Variants in MDM1 observed in about 807,000 individuals in gnomAD.
The protein encoded by MDM1 is stabilizer of axonemal microtubules 6, also known as Mdm1 nuclear protein.
A neutral mutation model predicts 89.1 loss-of-function variants in MDM1; 61 were observed. The ratio of observed to expected loss-of-function variants is 0.68; its 90% CI spans 0.56 to 0.85. The LOEUF is 0.85. MDM1 is among the 40% of genes least tolerant of loss of function. The pLI, the probability that MDM1 is intolerant of heterozygous loss-of-function variation, is 0.00. For missense variants in MDM1, 820 were observed against 846.5 expected (o/e 0.97, Z 0.39); for synonymous variants, 290 against 294.1 (o/e 0.99, Z 0.14).
intron 2 of MDM1, 27 bp downstream of exon 2, chr12:68,331,080 G>T: frequency 7.7e-7 from 1 of 1,305,620 alleles, no homozygotes; most frequent in Non-Finnish European, 1.1e-6. Flanking sequence ...GCCCAGGTTA[G>T]AATGGCTATT....
intron 2 of MDM1, among the ~76,000 whole-genome samples, chr12:68,328,685 AC>A (rs1201321298): frequency 1.8e-5 from 2 of 109,834 alleles, no homozygotes; most frequent in African/African-American, 6.5e-5. Flanking sequence ...CTGCTTTAAC[AC>A]AGAGGCAGGT....
intron 13 of MDM1, 125 bp downstream of exon 13, chr12:68,302,495 T>C: frequency 1.1e-6 from 1 of 900,522 alleles, no homozygotes; most frequent in African/African-American, 1.7e-5. Context: ...AAAGAAATTT[T>C]ATTAATACAT....
At chr12:68,308,934 G>T (rs944364246) in intron 12 of MDM1, among the ~76,000 whole-genome samples, 1 of 152,204 alleles carries the variant, frequency 6.6e-6, no homozygotes, top group Middle Eastern at 3.4e-3. Context: ...TTACATAATT[G>T]TGCAGTTTCA....
intron 7 of MDM1, among the ~76,000 whole-genome samples, chr12:68,319,550 A>T (rs1275971138): frequency 6.6e-6 from 1 of 152,224 alleles, no homozygotes; most frequent in Non-Finnish European, 1.5e-5. Context: ...TCATAATCAG[A>T]TGCCTATAGT....
intron 7 of MDM1, among the ~76,000 whole-genome samples, chr12:68,317,476 G>A (rs904519723): frequency 1.3e-5 from 2 of 151,924 alleles, no homozygotes; most frequent in Admixed American, 6.6e-5. Flanking sequence ...CCTTAACAAG[G>A]TACGATTTTG....
In MDM1 at chr12:68,325,519, G is replaced by A; in HGVS notation, c.555C>T (p.Ala185=). Residue 185 remains alanine (A), a synonymous_variant, in exon 4 of 15, where the codon GCC becomes GCT. Transcript: ENST00000682720. ...AGLTVVPSYN[A]LRNSEYQRQF... is the part of the protein sequence containing the mutation. ...GCCTTTGATATTCAGAATTTCTCAAGGCATTATATGAAGGAACAACAGTCA... is the reference window on the plus strand; with the variant it reads ...GCCTTTGATATTCAGAATTTCTCAAAGCATTATATGAAGGAACAACAGTCA... 4 of 1,598,204 alleles carry A rather than the reference G, an allele frequency of 2.5e-6. No individual in the cohort carries two copies. The highest frequency in any genetic ancestry group is 3.4e-6 in the Non-Finnish European group (4 of 1,172,916).
intron 7 of MDM1, among the ~76,000 whole-genome samples, chr12:68,317,748 C>T (rs1874689037): frequency 6.6e-6 from 1 of 152,192 alleles, no homozygotes; most frequent in African/African-American, 2.4e-5. Flanking sequence ...AAGTGAGGTA[C>T]ATGAATTAAC....
chr12:68,325,247 C>A (rs1875796487), intron 4 of MDM1, 194 bp downstream of exon 4: 3 of 1,205,740 alleles, frequency 2.5e-6, no homozygotes, highest in Non-Finnish European at 3.1e-6. Context: ...TCATCAGAAG[C>A]CTAGGACAGT....
At chr12:68,308,383 C>T (rs958313962) in intron 12 of MDM1, among the ~76,000 whole-genome samples, 18 of 152,164 alleles carry the variant, frequency 1.2e-4, no homozygotes, top group Non-Finnish European at 2.5e-4. Flanking sequence ...GCCTTGGCCT[C>T]CCAAACTGCT....
intron 12 of MDM1, among the ~76,000 whole-genome samples, chr12:68,303,441 T>C (rs1041424767): frequency 3.3e-5 from 5 of 152,290 alleles, no homozygotes; most frequent in African/African-American, 1.2e-4. Context: ...CGGCAAAACA[T>C]AGCAGAAGCC....
In MDM1 at chr12:68,313,607, C is replaced by T. The variant is rs374150899; in HGVS notation, c.1639+37G>A. 197 of 1,607,386 alleles carry T rather than the reference C, an allele frequency of 1.2e-4. 1 individual carries two copies. Among genetic ancestry groups the T allele is most frequent in the Non-Finnish European group, 1.6e-4 (186 of 1,174,542 alleles). On this transcript the variant is annotated intron_variant, in intron 11 of 14. Transcript: ENST00000682720. ...ACACTAAATTAACATGTAGAAAAAGCAGGTTAAATAAGAACTGCACGGTGT... is the reference window on the plus strand; with the variant it reads ...ACACTAAATTAACATGTAGAAAAAGTAGGTTAAATAAGAACTGCACGGTGT...
intron 3 of MDM1, chr12:68,326,336 G>A: frequency 7.2e-7 from 1 of 1,388,156 alleles, no homozygotes; most frequent in African/African-American, 1.4e-5. Flanking sequence ...CAGAAGTAAG[G>A]GCCTACTTCC....
chr12:68,321,166 T>A lies in MDM1; in HGVS notation c.1005+181A>T, dbSNP rs1875172770. 7.9e-6 allele frequency: 3 copies of A among 378,888 alleles called. No homozygotes were observed. The Admixed American group carries it at 1.6e-4, about 20-fold the overall frequency. The allele number at this position is 378,888 out of a possible 1,614,324, so 23.5% of individuals were successfully genotyped here. A position where few individuals can be genotyped will look rare whatever the true frequency, so the allele number is the denominator to read the frequency against. ...TAAATATTAATTTCTGAAGAGCCAG[T>A]GGCATTAAAAAAAATGATAATTTAC... is the stretch of plus-strand genomic sequence containing the variant. On this transcript the variant is annotated intron_variant, in intron 7 of 14. Transcript: ENST00000682720.
chr12:68,315,794 C>A (rs1874407992), intron 9 of MDM1, among the ~76,000 whole-genome samples: 1 of 152,090 alleles, frequency 6.6e-6, no homozygotes, highest in Non-Finnish European at 1.5e-5. Context: ...TTCTAAAGGT[C>A]TTTTTACATC....
chr12:68,301,877 C>G (rs1872212765), intron 13 of MDM1, among the ~76,000 whole-genome samples: 1 of 152,002 alleles, frequency 6.6e-6, no homozygotes, highest in Non-Finnish European at 1.5e-5. Flanking sequence ...AGGGTTTCAT[C>G]ATGTGACCCA....
intron 13 of MDM1, among the ~76,000 whole-genome samples, chr12:68,300,159 G>T (rs150917676): frequency 3.3e-5 from 5 of 152,138 alleles, no homozygotes; most frequent in African/African-American, 1.2e-4. Context: ...GTCACTACCA[G>T]ACCAGCACTA....
intron 2 of MDM1, chr12:68,330,730 T>C (rs1462191284): frequency 6.0e-6 from 1 of 167,820 alleles, no homozygotes; most frequent in Non-Finnish European, 1.3e-5. Flanking sequence ...TATTTTGTCA[T>C]GCTTTATGGC....
At chr12:68,298,403 A>C (rs1458950927) in intron 13 of MDM1, among the ~76,000 whole-genome samples, 1 of 152,100 alleles carries the variant, frequency 6.6e-6, no homozygotes, top group East Asian at 1.9e-4. Flanking sequence ...CTCAGCAGGG[A>C]GTCTACCCCA....
At chr12:68,322,808 GT>G (rs1875410846) in intron 5 of MDM1, among the ~76,000 whole-genome samples, 1 of 152,094 alleles carries the variant, frequency 6.6e-6, no homozygotes, top group African/African-American at 2.4e-5. Context: ...TTCCTGTATT[GT>G]TAAGTACTCA....
Sources: gnomAD v4.1 joint callset for allele counts (sites outside exome capture counted in the v4.1 genomes callset) on GRCh38, gnomAD v4.1.1 for gene constraint, MANE v1.5 for transcripts, NCBI Gene and HGNC (gene_info 2026-07-23, HGNC 2026-07-21) for gene names.